SNTG1: variants seen among roughly 807,000 people sequenced by gnomAD.
SNTG1 encodes the protein syntrophin gamma 1, also known as gamma-1-syntrophin.
Under a neutral mutation model 74.7 loss-of-function variants are expected in SNTG1, and 39 were observed. The observed-to-expected ratio is 0.52, with a 90% CI of 0.40 to 0.68. The LOEUF is 0.68. Ranked by LOEUF, SNTG1 falls within the 30% of genes least tolerant of loss-of-function variation. The pLI is 0.00. For missense variants in SNTG1, 685 were observed against 609.5 expected (o/e 1.12, Z -1.30); for synonymous variants, 254 against 217.1 (o/e 1.17, Z -1.49).
At chr8:50,292,975 C>T (rs1448029291) in intron 2 of SNTG1, among the ~76,000 whole-genome samples, 2 of 152,094 alleles carry the variant, frequency 1.3e-5, no homozygotes, top group Non-Finnish European at 2.9e-5. Context: ...AGGGAAGACA[C>T]AGTGGGTTCT....
At chr8:50,404,676 T>C (rs1382441338) in intron 4 of SNTG1, among the ~76,000 whole-genome samples, 1 of 152,076 alleles carries the variant, frequency 6.6e-6, no homozygotes, top group Non-Finnish European at 1.5e-5. Flanking sequence ...ATGTACCATC[T>C]TAACTATTTT....
At chr8:50,351,276 G>T (rs376997144) in intron 2 of SNTG1, among the ~76,000 whole-genome samples, 1 of 152,144 alleles carries the variant, frequency 6.6e-6, no homozygotes, top group Non-Finnish European at 1.5e-5. Context: ...GCAAAGTCCC[G>T]AAAAACCAGG....
chr8:50,467,361 T>A (rs2093616757), intron 8 of SNTG1, among the ~76,000 whole-genome samples: 1 of 151,898 alleles, frequency 6.6e-6, no homozygotes, highest in South Asian at 2.1e-4. Context: ...GGCCATTTTG[T>A]ATTATCTATT....
intron 10 of SNTG1, among the ~76,000 whole-genome samples, chr8:50,531,540 G>C (rs1033335132): frequency 6.6e-6 from 1 of 151,956 alleles, no homozygotes; most frequent in Non-Finnish European, 1.5e-5. Context: ...CGATAATTTC[G>C]ATCCACTTCT....
chr8:50,316,969 T>C (rs958957483), intron 2 of SNTG1, among the ~76,000 whole-genome samples: 1 of 152,208 alleles, frequency 6.6e-6, no homozygotes, highest in Non-Finnish European at 1.5e-5. Flanking sequence ...GAGTTCAAGA[T>C]TTCACTGCTA....
chr8:50,787,977 G>A (rs2095680477), intron 18 of SNTG1, among the ~76,000 whole-genome samples: 1 of 151,982 alleles, frequency 6.6e-6, no homozygotes, highest in Admixed American at 6.6e-5. Context: ...TTAAACAGGT[G>A]AGTATTATAG....
At chr8:50,638,999 A>G (rs979198246) in intron 13 of SNTG1, among the ~76,000 whole-genome samples, 6 of 152,110 alleles carry the variant, frequency 3.9e-5, no homozygotes, top group African/African-American at 7.2e-5. Context: ...GCTTGTTGCT[A>G]TTGTTTTTTA....
intron 12 of SNTG1, among the ~76,000 whole-genome samples, chr8:50,580,329 T>G (rs2130814444): frequency 6.6e-6 from 1 of 152,298 alleles, no homozygotes; most frequent in South Asian, 2.1e-4. Flanking sequence ...GGAAGAGACT[T>G]GCCTTGTCTC....
chr8:50,741,214 T>A (rs957834507), intron 17 of SNTG1, among the ~76,000 whole-genome samples: 4 of 151,980 alleles, frequency 2.6e-5, no homozygotes, highest in Non-Finnish European at 5.9e-5. Context: ...AACACTCACC[T>A]CCTGGGTTCA....
intron 1 of SNTG1, among the ~76,000 whole-genome samples, chr8:50,106,143 C>G (rs906370835): frequency 4.6e-5 from 7 of 152,106 alleles, no homozygotes; most frequent in African/African-American, 1.7e-4. Flanking sequence ...AATTGACTAA[C>G]AGTTCTGCAG....
chr8:50,537,114 A>T (rs75096917), intron 11 of SNTG1, among the ~76,000 whole-genome samples: 1,961 of 152,118 alleles, frequency 0.013, 46 homozygotes, highest in African/African-American at 0.045. Context: ...TGCATAGTTT[A>T]TCTATTTGTT....
At chr8:50,149,421 T>G (rs2081986499) in intron 1 of SNTG1, among the ~76,000 whole-genome samples, 2 of 152,200 alleles carry the variant, frequency 1.3e-5, no homozygotes, top group African/African-American at 4.8e-5. Context: ...CAATTTTGGC[T>G]TTTGTTGCCA....
At chr8:50,025,389 T>A (rs1033067519) in intron 1 of SNTG1, among the ~76,000 whole-genome samples, 3 of 152,188 alleles carry the variant, frequency 2.0e-5, no homozygotes, top group African/African-American at 7.2e-5. Flanking sequence ...GCCAAATTAT[T>A]AATTAACTTA....
At chr8:50,388,242 A>G (rs1244460972) in intron 2 of SNTG1, among the ~76,000 whole-genome samples, 1 of 152,156 alleles carries the variant, frequency 6.6e-6, no homozygotes, top group African/African-American at 2.4e-5. Flanking sequence ...CATGGTTAAG[A>G]GCAAACAACC....
At chr8:50,215,033 T>G (rs1337294154) in intron 2 of SNTG1, among the ~76,000 whole-genome samples, 1 of 152,130 alleles carries the variant, frequency 6.6e-6, no homozygotes, top group Non-Finnish European at 1.5e-5. Context: ...AGAATCAAAA[T>G]GCTGTAGACT....
chr8:50,337,173 G>A (rs972241143), intron 2 of SNTG1, among the ~76,000 whole-genome samples: 1 of 152,120 alleles, frequency 6.6e-6, no homozygotes, highest in African/African-American at 2.4e-5. Context: ...AAGAACAAGT[G>A]AACAAACTGT....
intron 1 of SNTG1, among the ~76,000 whole-genome samples, chr8:50,030,423 C>A (rs1165054495): frequency 6.6e-6 from 1 of 151,934 alleles, no homozygotes; most frequent in Admixed American, 6.6e-5. Flanking sequence ...CTATACCTAG[C>A]TATAGGTCCC....
In SNTG1 at chr8:50,292,961, C is replaced by A. The variant is rs139477324; in HGVS notation, c.-27-101251C>A. ...GAGGTGGAGAAGGAGGATCCAAGGA[C>A]CTGAGGGAAGACACAGTGGGTTCTG... is the stretch of plus-strand genomic sequence containing the variant. On this transcript the variant is annotated intron_variant, in intron 2 of 18. Transcript: ENST00000642720. 2.0e-5 allele frequency among the ~76,000 whole-genome samples: 3 copies of A among 152,080 alleles called. No individual in the cohort carries two copies. In the East Asian group the frequency reaches 5.8e-4, roughly 30 times the overall value.
chr8:50,619,649 T>C lies in SNTG1; in HGVS notation c.849+28732T>C, dbSNP rs1203908746. Among the ~76,000 whole-genome samples the C allele has an allele frequency of 2.0e-5, 3 of 148,456 alleles. No homozygotes were observed. The East Asian group carries it at 6.0e-4, about 30-fold the overall frequency. On this transcript the variant is annotated intron_variant, in intron 13 of 18. Coordinates refer to ENST00000642720, the MANE Select transcript of SNTG1 (RefSeq NM_018967.5). Reference sequence around the variant, plus strand: ...AGGAGGCTGAAGCAGGAGAATGGCATGAACCCGGGAGGCGGAGGTTGCAGT... The same window carrying C: ...AGGAGGCTGAAGCAGGAGAATGGCACGAACCCGGGAGGCGGAGGTTGCAGT...
Sources: allele counts gnomAD v4.1 joint callset (sites outside exome capture counted in the v4.1 genomes callset), GRCh38; gene constraint gnomAD v4.1.1; transcripts MANE v1.5; gene names NCBI Gene and HGNC (gene_info 2026-07-23, HGNC 2026-07-21).